The following PRKN variants were observed in gnomAD, a reference collection of about 807,000 sequenced individuals.
PRKN encodes parkin RBR E3 ubiquitin protein ligase, also known as E3 ubiquitin-protein ligase parkin.
Under a neutral mutation model 59.5 loss-of-function variants are expected in PRKN, and 56 were observed. The observed-to-expected ratio is 0.94, with a 90% CI of 0.76 to 1.18. The LOEUF is 1.18. Ranked by LOEUF, PRKN falls within the 50% of genes most tolerant of loss-of-function variation. The pLI, the probability that PRKN is intolerant of heterozygous loss-of-function variation, is 0.00. For missense variants in PRKN, 657 were observed against 596.4 expected (o/e 1.10, Z -1.06); for synonymous variants, 250 against 222.1 (o/e 1.13, Z -1.12).
intron 5 of PRKN, among the ~76,000 whole-genome samples, chr6:162,046,988 T>C (rs1282714307): frequency 2.0e-5 from 3 of 152,120 alleles, no homozygotes; most frequent in Non-Finnish European, 4.4e-5. Context: ...GAATGCTGGA[T>C]TGGGTTTTTG....
intron 4 of PRKN, among the ~76,000 whole-genome samples, chr6:162,190,715 C>T (rs1784241568): frequency 6.6e-6 from 1 of 152,216 alleles, no homozygotes; most frequent in African/African-American, 2.4e-5. Flanking sequence ...GGAGACTCCC[C>T]TGCCCCGCAC....
intron 6 of PRKN, among the ~76,000 whole-genome samples, chr6:161,930,306 G>A (rs996562052): frequency 6.6e-6 from 1 of 152,154 alleles, no homozygotes; most frequent in African/African-American, 2.4e-5. Context: ...ATTTCATCTT[G>A]TATATAATAG....
rs2115010697 is a variant in PRKN at position 161,413,706 on chromosome 6, A to T, written c.1084-26829T>A. The stretch of plus-strand genomic sequence containing the variant: ...TGTTCACAGCTTCCCACAGGAGTCC[A>T]GCTGAGAAGGAAGCCACATGGCCAT... On this transcript the variant is annotated intron_variant, in intron 9 of 11. Transcript: ENST00000366898. This position sits in a 1 kb window ranked among gnomAD's most constrained non-coding sequence, Gnocchi z 4.4. 1.3e-5 allele frequency among the ~76,000 whole-genome samples: 2 copies of T among 152,342 alleles called. No individual in the cohort carries two copies. The highest frequency in any genetic ancestry group is 6.8e-3 in the Middle Eastern group (2 of 294).
chr6:162,432,654 A>C (rs1789594582), intron 2 of PRKN, among the ~76,000 whole-genome samples: 1 of 152,230 alleles, frequency 6.6e-6, no homozygotes, highest in Non-Finnish European at 1.5e-5. Context: ...AAAATGACAG[A>C]TCATATAAAT....
chr6:162,666,151 A>C (rs1160108381), intron 1 of PRKN, among the ~76,000 whole-genome samples: 2 of 152,318 alleles, frequency 1.3e-5, no homozygotes, highest in African/African-American at 4.8e-5. Context: ...TTCTCAGTTT[A>C]TTCTCAATCC....
At chr6:161,718,292 C>T (rs1787072319) in intron 7 of PRKN, among the ~76,000 whole-genome samples, 1 of 152,088 alleles carries the variant, frequency 6.6e-6, no homozygotes, top group Non-Finnish European at 1.5e-5. Flanking sequence ...ACCCTGGCAT[C>T]CAGGGTGCAA....
chr6:161,481,296 T>A (rs1791384158), intron 9 of PRKN, among the ~76,000 whole-genome samples: 1 of 152,200 alleles, frequency 6.6e-6, no homozygotes, highest in East Asian at 1.9e-4. Flanking sequence ...GCAGAAGGCA[T>A]CAGGAAAAGT....
intron 7 of PRKN, among the ~76,000 whole-genome samples, chr6:161,676,804 C>G (rs1287699384): frequency 6.6e-6 from 1 of 152,086 alleles, no homozygotes; most frequent in Non-Finnish European, 1.5e-5. Flanking sequence ...TGATTGAATT[C>G]TGAAGGACAG....
At chr6:162,357,956 T>C (rs924919239) in intron 2 of PRKN, among the ~76,000 whole-genome samples, 2 of 152,114 alleles carry the variant, frequency 1.3e-5, no homozygotes, top group African/African-American at 4.8e-5. Flanking sequence ...TTTAGGGTAG[T>C]GGTGCTCTTC....
At position 161,923,549 on chromosome 6, in the gene PRKN, C is replaced by T. The variant is rs1460482349; in HGVS notation, c.734+49753G>A. On this transcript the variant is annotated intron_variant, in intron 6 of 11. Coordinates refer to ENST00000366898, the MANE Select transcript of PRKN (RefSeq NM_004562.3). ...AAAGTTATTAAAATTGTACAAAAAACTGTTCTTCACCTAGGTTAACCACTT... is the reference window on the plus strand; with the variant it reads ...AAAGTTATTAAAATTGTACAAAAAATTGTTCTTCACCTAGGTTAACCACTT... Among the ~76,000 whole-genome samples, 6 of 152,026 alleles carry T rather than the reference C, an allele frequency of 3.9e-5. No homozygotes were observed. The East Asian group carries it at 1.2e-3, about 29-fold the overall frequency.
intron 7 of PRKN, among the ~76,000 whole-genome samples, chr6:161,642,498 A>G (rs1783780693): frequency 6.6e-6 from 1 of 152,202 alleles, no homozygotes; most frequent in African/African-American, 2.4e-5. Flanking sequence ...CAAGAACACA[A>G]TATCCTCTTT....
At chr6:162,113,125 G>T (rs1249640006) in intron 4 of PRKN, among the ~76,000 whole-genome samples, 1 of 152,112 alleles carries the variant, frequency 6.6e-6, no homozygotes, top group East Asian at 1.9e-4. Context: ...CCTATAAAAG[G>T]ATGAGAAGAA....
intron 9 of PRKN, among the ~76,000 whole-genome samples, chr6:161,493,155 G>A (rs531143980): frequency 6.6e-6 from 1 of 152,308 alleles, no homozygotes; most frequent in Admixed American, 6.5e-5. Flanking sequence ...GACTTAAGAT[G>A]CCAAAGGGGA....
chr6:162,140,188 T>A (rs1340664070), intron 4 of PRKN, among the ~76,000 whole-genome samples: 3 of 152,216 alleles, frequency 2.0e-5, no homozygotes, highest in African/African-American at 7.2e-5. Flanking sequence ...TTTCGCACTC[T>A]AAAATCCAAC....
intron 1 of PRKN, among the ~76,000 whole-genome samples, chr6:162,512,132 A>C (rs904706694): frequency 6.6e-6 from 1 of 152,216 alleles, no homozygotes; most frequent in Non-Finnish European, 1.5e-5. Flanking sequence ...AGCAATATGT[A>C]ACAAATTAAA....
intron 1 of PRKN, among the ~76,000 whole-genome samples, chr6:162,717,915 T>G (rs140347812): frequency 1.3e-5 from 2 of 152,226 alleles, no homozygotes; most frequent in East Asian, 3.9e-4. Flanking sequence ...TTATAACACA[T>G]TGCTTTTCAG....
At chr6:161,752,964 G>A (rs926546337) in intron 7 of PRKN, among the ~76,000 whole-genome samples, 4 of 152,154 alleles carry the variant, frequency 2.6e-5, no homozygotes, top group Admixed American at 6.5e-5. Flanking sequence ...CAGTGGTAAC[G>A]CTTGTGTGAG....
At position 161,497,554 on chromosome 6, in the gene PRKN, G is replaced by GTC. The variant is rs34342732; in HGVS notation, c.1083+51298_1083+51299dup. Among the ~76,000 whole-genome samples, 13,499 of 148,546 alleles carry GTC rather than the reference G, an allele frequency of 0.091. 629 individuals are homozygous for GTC. The highest frequency in any genetic ancestry group is 0.17 in the South Asian group (766 of 4,612). ...CTGTGTGTGTGCACAGTGCTTACATGTCTCTCTCTCTCTCTCTCTCTCTCA... is the reference window on the plus strand; with the variant it reads ...CTGTGTGTGTGCACAGTGCTTACATGTCTCTCTCTCTCTCTCTCTCTCTCTCA... On this transcript the variant is annotated intron_variant, in intron 9 of 11. Coordinates refer to ENST00000366898, the MANE Select transcript of PRKN (RefSeq NM_004562.3). This position sits in a 1 kb window ranked among gnomAD's most constrained non-coding sequence, Gnocchi z 4.6.
intron 4 of PRKN, among the ~76,000 whole-genome samples, chr6:162,126,675 G>A (rs1209095751): frequency 6.6e-6 from 1 of 152,122 alleles, no homozygotes; most frequent in Non-Finnish European, 1.5e-5. Flanking sequence ...TTTCTCCTGA[G>A]CTTTTGCAGC....
Sources: gnomAD v4.1 joint callset for allele counts (sites outside exome capture counted in the v4.1 genomes callset) on GRCh38, gnomAD v4.1.1 for gene constraint, Gnocchi (gnomAD v3.1) non-coding constraint, MANE v1.5 for transcripts, NCBI Gene and HGNC (gene_info 2026-07-23, HGNC 2026-07-21) for gene names.